CLMN: variants seen among roughly 807,000 people sequenced by gnomAD.
The protein encoded by CLMN is calmin.
A neutral mutation model predicts 92.7 loss-of-function variants in CLMN; 57 were observed. That is an observed-to-expected ratio of 0.61 (90% CI 0.50 to 0.77). The LOEUF is 0.77. Ranked by LOEUF, CLMN falls within the 30% of genes least tolerant of loss-of-function variation. CLMN has a pLI of 0.00. For synonymous variants in CLMN, 466 were observed against 470.6 expected (o/e 0.99, Z 0.13); for missense variants, 1,158 against 1,237.5 (o/e 0.94, Z 0.96).
intron 11 of CLMN, 57 bp from the exon 12 acceptor site, chr14:95,193,976 T>C: frequency 6.3e-7 from 1 of 1,595,332 alleles, no homozygotes. Flanking sequence ...AGATGAAATC[T>C]CTGAAACAGA....
rs564913333 is a variant in CLMN at position 95,302,812 on chromosome 14, A to G, written c.82+16899T>C. Reference sequence around the variant, plus strand: ...AATTTGGCTAAAGCGCTGCAGCTGCAAAGTGAAGAAGCTAAAATTCAAATC... The same window carrying G: ...AATTTGGCTAAAGCGCTGCAGCTGCGAAGTGAAGAAGCTAAAATTCAAATC... On this transcript the variant is annotated intron_variant, in intron 1 of 12. Coordinates refer to ENST00000298912, the MANE Select transcript of CLMN (RefSeq NM_024734.4). Among the ~76,000 whole-genome samples the G allele has an allele frequency of 2.0e-5, 3 of 152,338 alleles. No homozygotes were observed. The South Asian group carries it at 6.2e-4, about 32-fold the overall frequency.
intron 1 of CLMN, among the ~76,000 whole-genome samples, chr14:95,237,168 G>A (rs1036568725): frequency 2.6e-5 from 4 of 152,218 alleles, no homozygotes; most frequent in Admixed American, 2.6e-4. Flanking sequence ...GCCTGTGCAC[G>A]CCAGGTGCAA....
At chr14:95,278,515 C>T (rs191877477) in intron 1 of CLMN, among the ~76,000 whole-genome samples, 1 of 152,182 alleles carries the variant, frequency 6.6e-6, no homozygotes. Flanking sequence ...CCACCGATCC[C>T]GTTTTGGGAA....
chr14:95,285,685 C>G (rs1318224349), intron 1 of CLMN, among the ~76,000 whole-genome samples: 1 of 152,142 alleles, frequency 6.6e-6, no homozygotes, highest in African/African-American at 2.4e-5. Flanking sequence ...GACATTTGCA[C>G]TGGGTATATT....
intron 1 of CLMN, among the ~76,000 whole-genome samples, chr14:95,313,383 G>A (rs1322585797): frequency 6.6e-6 from 1 of 152,162 alleles, no homozygotes; most frequent in Non-Finnish European, 1.5e-5. Flanking sequence ...CTGTGCCCTT[G>A]TCCTGCAAAA....
intron 1 of CLMN, among the ~76,000 whole-genome samples, chr14:95,281,337 T>C (rs1051826556): frequency 9.2e-5 from 14 of 152,220 alleles, no homozygotes; most frequent in African/African-American, 3.4e-4. Context: ...TGCTGCACAT[T>C]ATACAGATCA....
chr14:95,299,918 A>G (rs943954177), intron 1 of CLMN, among the ~76,000 whole-genome samples: 1 of 152,212 alleles, frequency 6.6e-6, no homozygotes, highest in African/African-American at 2.4e-5. Context: ...AGAAACCTAT[A>G]CCCTGAAAGA....
At chr14:95,279,060 T>C (rs937326246) in intron 1 of CLMN, among the ~76,000 whole-genome samples, 4 of 152,218 alleles carry the variant, frequency 2.6e-5, no homozygotes, top group Non-Finnish European at 5.9e-5. Flanking sequence ...TGTCTGCATG[T>C]ATTTATATGT....
intron 1 of CLMN, among the ~76,000 whole-genome samples, chr14:95,251,331 C>A (rs28661234): frequency 0.12 from 18,882 of 152,166 alleles, 1,725 homozygotes; most frequent in African/African-American, 0.25. Flanking sequence ...TTCTCACCGG[C>A]CAACCCTATA....
intron 5 of CLMN, 100 bp downstream of exon 5, chr14:95,215,541 T>G: frequency 1.0e-6 from 1 of 964,906 alleles, no homozygotes; most frequent in Admixed American, 1.9e-5. Context: ...TGCCATAAAC[T>G]AAGCCTCACT....
intron 1 of CLMN, among the ~76,000 whole-genome samples, chr14:95,232,614 C>T (rs529180886): frequency 9.9e-5 from 15 of 152,102 alleles, no homozygotes; most frequent in Non-Finnish European, 2.2e-4. Context: ...AATTAAAGAA[C>T]GAATTCCAGT....
intron 1 of CLMN, among the ~76,000 whole-genome samples, chr14:95,239,898 T>C (rs566282751): frequency 6.6e-6 from 1 of 152,378 alleles, no homozygotes; most frequent in South Asian, 2.1e-4. Flanking sequence ...CATGGGATTA[T>C]AATGGAGCTG....
chr14:95,200,638 C>A (rs1041495787), intron 9 of CLMN, among the ~76,000 whole-genome samples: 1 of 152,178 alleles, frequency 6.6e-6, no homozygotes, highest in Non-Finnish European at 1.5e-5. Context: ...CGCCCAGGCA[C>A]CCCCCTTCAC....
At chr14:95,271,280 C>A (rs1198211997) in intron 1 of CLMN, among the ~76,000 whole-genome samples, 1 of 152,164 alleles carries the variant, frequency 6.6e-6, no homozygotes, top group Non-Finnish European at 1.5e-5. Context: ...GTGATGGTAT[C>A]CTTTAAAGCA....
At chr14:95,306,896 C>G (rs1317948470) in intron 1 of CLMN, among the ~76,000 whole-genome samples, 1 of 152,122 alleles carries the variant, frequency 6.6e-6, no homozygotes, top group African/African-American at 2.4e-5. Context: ...AGTAAGAAAC[C>G]AGAGCTTAGA....
chr14:95,239,915 A>G (rs1898187230), intron 1 of CLMN, among the ~76,000 whole-genome samples: 1 of 152,252 alleles, frequency 6.6e-6, no homozygotes, highest in Admixed American at 6.5e-5. Context: ...GCTGTCTTAT[A>G]CAGGTATACC....
At chr14:95,249,822 T>C (rs1025333722) in intron 1 of CLMN, among the ~76,000 whole-genome samples, 2 of 152,188 alleles carry the variant, frequency 1.3e-5, no homozygotes, top group Admixed American at 6.5e-5. Flanking sequence ...CTTGATCTCC[T>C]GACTTCATGA....
In CLMN at chr14:95,256,376, G is replaced by T. The variant is rs1898999526; in HGVS notation, c.83-26243C>A. Among the ~76,000 whole-genome samples, 1 of 152,230 alleles carries T rather than the reference G, an allele frequency of 6.6e-6. No individual in the cohort carries two copies. Among genetic ancestry groups the T allele is most frequent in the Admixed American group, 6.5e-5 (1 of 15,284 alleles). Reference sequence around the variant, plus strand: ...GTTTTGTCAGCAACAATGAATCTTGGCTGAGGAAATTGCTACCAACGACAC... The same window carrying T: ...GTTTTGTCAGCAACAATGAATCTTGTCTGAGGAAATTGCTACCAACGACAC... On this transcript the variant is annotated intron_variant, in intron 1 of 12. Transcript: ENST00000298912. The surrounding 1 kb of genome is among the most constrained non-coding windows in gnomAD (Gnocchi z 4.9).
At chr14:95,248,944 G>A (rs922960176) in intron 1 of CLMN, among the ~76,000 whole-genome samples, 1 of 152,042 alleles carries the variant, frequency 6.6e-6, no homozygotes, top group Admixed American at 6.6e-5. Context: ...CTGATCTTCT[G>A]TCTTCAACAC....
Sources: allele counts gnomAD v4.1 joint callset (sites outside exome capture counted in the v4.1 genomes callset), GRCh38; gene constraint gnomAD v4.1.1; non-coding constraint Gnocchi (gnomAD v3.1); transcripts MANE v1.5; gene names NCBI Gene and HGNC (gene_info 2026-07-23, HGNC 2026-07-21).